ASAP1: variants seen among roughly 807,000 people sequenced by gnomAD.
ASAP1 encodes the protein ArfGAP with SH3 domain, ankyrin repeat and PH domain 1, also known as arf-GAP with SH3 domain, ANK repeat and PH domain-containing protein 1.
In ASAP1, 43 loss-of-function variants were observed where a neutral mutation model predicts 145.2. That is an observed-to-expected ratio of 0.30 (90% CI 0.23 to 0.38). The LOEUF (loss-of-function observed/expected upper bound fraction) is 0.38. ASAP1 is among the 10% of genes least tolerant of loss of function. ASAP1 has a pLI of 1.00. For missense variants in ASAP1, 1,018 were observed against 1,355.3 expected, an observed-to-expected ratio of 0.75 and a Z score of 3.91; for synonymous variants, 546 against 515.5, an observed-to-expected ratio of 1.06 and a Z score of -0.80.
At chr8:130,314,686 T>C (rs749607621) in intron 3 of ASAP1, among the ~76,000 whole-genome samples, 2 of 152,206 alleles carry the variant, frequency 1.3e-5, no homozygotes, top group Non-Finnish European at 2.9e-5. Context: ...AAAACGTGCT[T>C]CACAGGGTCA....
At chr8:130,091,079 A>G (rs1027781755) in intron 25 of ASAP1, among the ~76,000 whole-genome samples, 1 of 152,182 alleles carries the variant, frequency 6.6e-6, no homozygotes, top group African/African-American at 2.4e-5. Flanking sequence ...GTAGATGGGA[A>G]TTTGTCATGT....
intron 4 of ASAP1, among the ~76,000 whole-genome samples, chr8:130,220,810 A>G (rs1817247041): frequency 6.6e-6 from 1 of 152,138 alleles, no homozygotes; most frequent in South Asian, 2.1e-4. Flanking sequence ...AGGGGAAGCA[A>G]ACACATCCTT....
At chr8:130,412,013 C>T (rs1032340109) in intron 1 of ASAP1, among the ~76,000 whole-genome samples, 5 of 152,184 alleles carry the variant, frequency 3.3e-5, no homozygotes, top group African/African-American at 1.2e-4. Context: ...ACCCAGTGCT[C>T]ACCAGGTACC....
intron 3 of ASAP1, among the ~76,000 whole-genome samples, chr8:130,298,240 T>G (rs1252225298): frequency 6.6e-6 from 1 of 152,154 alleles, no homozygotes; most frequent in African/African-American, 2.4e-5. Flanking sequence ...GGTGTCCATA[T>G]CCACAAACAT....
In ASAP1 at chr8:130,358,812, C is replaced by A. The variant is rs1296600851; in HGVS notation, c.60-669G>T. Among the ~76,000 whole-genome samples the A allele has an allele frequency of 6.6e-6, 1 of 150,960 alleles. No individual in the cohort carries two copies. Among genetic ancestry groups the A allele is most frequent in the African/African-American group, 2.4e-5 (1 of 41,152 alleles). Reference sequence around the variant, plus strand: ...GGCTCCGAAGCTGCCGCTCCCGACCCCGGCTGCGCGGCACGGGGGCTCCGG... The same window carrying A: ...GGCTCCGAAGCTGCCGCTCCCGACCACGGCTGCGCGGCACGGGGGCTCCGG... On this transcript the variant is annotated intron_variant, in intron 2 of 29. Coordinates refer to ENST00000518721, the MANE Select transcript of ASAP1 (RefSeq NM_018482.4). This position sits in a 1 kb window ranked among gnomAD's most constrained non-coding sequence, Gnocchi z 4.1.
At chr8:130,233,459 T>A (rs941774538) in intron 4 of ASAP1, among the ~76,000 whole-genome samples, 2 of 152,204 alleles carry the variant, frequency 1.3e-5, no homozygotes, top group Non-Finnish European at 2.9e-5. Context: ...TATGGTACCC[T>A]GAACAAGTTA....
chr8:130,225,365 C>A (rs550157734), intron 4 of ASAP1, among the ~76,000 whole-genome samples: 1 of 152,248 alleles, frequency 6.6e-6, no homozygotes, highest in Admixed American at 6.5e-5. Context: ...TTTTAAAAAC[C>A]CTTAACCTTT....
intron 3 of ASAP1, among the ~76,000 whole-genome samples, chr8:130,282,762 G>T (rs902429682): frequency 2.0e-5 from 3 of 152,178 alleles, no homozygotes; most frequent in African/African-American, 7.2e-5. Flanking sequence ...TTGAAATAGA[G>T]TGTGGTGGGG....
At chr8:130,268,665 T>G (rs940960456) in intron 3 of ASAP1, among the ~76,000 whole-genome samples, 3 of 152,098 alleles carry the variant, frequency 2.0e-5, no homozygotes, top group Non-Finnish European at 4.4e-5. Flanking sequence ...AAATAATAAC[T>G]AAAAATAGTT....
At chr8:130,352,274 T>C (rs2138064630) in intron 3 of ASAP1, among the ~76,000 whole-genome samples, 1 of 151,886 alleles carries the variant, frequency 6.6e-6, no homozygotes, top group South Asian at 2.1e-4. Context: ...CTCCTTAAGT[T>C]TAGCACCTGC....
intron 3 of ASAP1, among the ~76,000 whole-genome samples, chr8:130,240,997 T>C (rs1818492007): frequency 6.6e-6 from 1 of 151,960 alleles, no homozygotes; most frequent in Non-Finnish European, 1.5e-5. Flanking sequence ...GACAGAAAAG[T>C]CCTTGAGACT....
At chr8:130,327,913 T>C (rs574371623) in intron 3 of ASAP1, among the ~76,000 whole-genome samples, 6 of 152,370 alleles carry the variant, frequency 3.9e-5, no homozygotes, top group African/African-American at 1.4e-4. Flanking sequence ...TAAAGCTATT[T>C]TTTAAATGAT....
At chr8:130,095,904 T>A (rs898994861) in intron 24 of ASAP1, among the ~76,000 whole-genome samples, 7 of 152,196 alleles carry the variant, frequency 4.6e-5, no homozygotes, top group Non-Finnish European at 1.0e-4. Context: ...CAGGCGTGAG[T>A]CACAGTGCCC....
At chr8:130,434,448 T>C (rs968544553) in intron 1 of ASAP1, among the ~76,000 whole-genome samples, 19 of 152,238 alleles carry the variant, frequency 1.2e-4, no homozygotes, top group African/African-American at 4.6e-4. Flanking sequence ...AAATAGCGCC[T>C]ATTTCATAGG....
At chr8:130,084,226 C>G (rs1235666936) in intron 25 of ASAP1, 1 of 152,184 alleles carries the variant, frequency 6.6e-6, no homozygotes, top group East Asian at 1.9e-4. Flanking sequence ...GCTGGGTAGG[C>G]GTCTATGGTC....
At chr8:130,098,891 T>A (rs910710392) in intron 24 of ASAP1, among the ~76,000 whole-genome samples, 1 of 152,112 alleles carries the variant, frequency 6.6e-6, no homozygotes, top group Non-Finnish European at 1.5e-5. Flanking sequence ...ATCCTTCCCA[T>A]CTAGCTGTTA....
chr8:130,187,322 C>T (rs769857287), intron 6 of ASAP1, 37 bp from the exon 7 acceptor site: 2 of 1,519,530 alleles, frequency 1.3e-6, no homozygotes, highest in South Asian at 2.3e-5. Context: ...ATTGCAACTA[C>T]TTTTGCTGAA....
rs1385884980 is a variant in ASAP1 at position 130,262,399 on chromosome 8, AAAAAAAAAAAAAAAAAAAGAGAGAGAGAG to A, written c.187-25434_187-25406del. ...AACAGTGAGACTCCATCTCAAAAAA[AAAAAAAAAAAAAAAAAAAGAGAGAGAGAG>A]AGAGAGAGAGAGAGAGAGAGAGAGA... is the stretch of plus-strand genomic sequence containing the variant. On this transcript the variant is annotated intron_variant, in intron 3 of 29. Transcript: ENST00000518721. Among the ~76,000 whole-genome samples, 348 of 105,586 alleles carry A rather than the reference AAAAAAAAAAAAAAAAAAAGAGAGAGAGAG, an allele frequency of 3.3e-3. 1 individual carries two copies. The highest frequency in any genetic ancestry group is 0.013 in the African/African-American group (340 of 26,830). The allele number at this position is 105,586 out of a possible 152,430, so 69.3% of individuals were successfully genotyped here.
chr8:130,247,587 T>C (rs1440139360), intron 3 of ASAP1, among the ~76,000 whole-genome samples: 1 of 151,972 alleles, frequency 6.6e-6, no homozygotes, highest in Non-Finnish European at 1.5e-5. Flanking sequence ...TTCAAAGACC[T>C]TTTTCTTCCC....
Sources: allele counts gnomAD v4.1 joint callset (sites outside exome capture counted in the v4.1 genomes callset), GRCh38; gene constraint gnomAD v4.1.1; non-coding constraint Gnocchi (gnomAD v3.1); transcripts MANE v1.5; gene names NCBI Gene and HGNC (gene_info 2026-07-23, HGNC 2026-07-21).